The following NOL4 variants were observed in gnomAD, a reference collection of about 807,000 sequenced individuals.
NOL4 encodes nucleolar protein 4.
A neutral mutation model predicts 75.9 loss-of-function variants in NOL4; 17 were observed. That is an observed-to-expected ratio of 0.22 (90% CI 0.15 to 0.34). The LOEUF (loss-of-function observed/expected upper bound fraction) is 0.34, where lower values mean the gene tolerates loss of function less well. Among genes scored for constraint, NOL4 ranks in the 10% least tolerant of loss-of-function variants. The probability of loss-of-function intolerance (pLI) is 1.00; values close to 1 mark genes in which losing one functional copy is unlikely to be tolerated. For synonymous variants in NOL4, 292 were observed against 289.9 expected, an observed-to-expected ratio of 1.01 and a Z score of -0.07; for missense variants, 614 against 793.5, an observed-to-expected ratio of 0.77 and a Z score of 2.72.
At chr18:34,070,482 T>C (rs2077466710) in intron 5 of NOL4, among the ~76,000 whole-genome samples, 1 of 152,162 alleles carries the variant, frequency 6.6e-6, no homozygotes, top group South Asian at 2.1e-4. Context: ...TTCCACATAA[T>C]ATAGAGAGGA....
chr18:34,069,068 A>G (rs2077402297), intron 5 of NOL4, among the ~76,000 whole-genome samples: 2 of 152,202 alleles, frequency 1.3e-5, no homozygotes, highest in African/African-American at 4.8e-5. Context: ...AGACCCATGT[A>G]TAACTCAGTT....
chr18:34,110,601 A>C (rs1432669796), intron 2 of NOL4, among the ~76,000 whole-genome samples: 1 of 152,252 alleles, frequency 6.6e-6, no homozygotes, highest in East Asian at 1.9e-4. Context: ...GAAAATGAAA[A>C]CTTTTCTTCT....
rs2074915961 is a variant in NOL4, at chr18:34,019,536, C to T, written c.838G>A (p.Gly280Arg). 1 of 1,613,858 alleles carries T rather than the reference C, an allele frequency of 6.2e-7. No individual in the cohort carries two copies. The highest frequency in any genetic ancestry group is 1.3e-5 in the African/African-American group (1 of 74,862). Residue 280 changes from glycine to arginine, a missense_variant, in exon 6 of 11, where the codon GGA becomes AGA. Gly to Arg is a moderately radical substitution (Grantham distance 125). This residue lies in a region of NOL4 where 196 missense variants were observed against 167.9 expected (regional missense o/e 1.17). Transcript: ENST00000261592. ...TCTCCCATCTCCCTGCTGTGTGTTC[C>T]CCCTGAAGCAATTGAACTGTGCCCC... ...TLGHSSIASG[G>R]THSREMGDSN...
chr18:33,930,562 A>G (rs1327892293), intron 9 of NOL4, among the ~76,000 whole-genome samples: 1 of 152,194 alleles, frequency 6.6e-6, no homozygotes, highest in Non-Finnish European at 1.5e-5. Context: ...ATGTGAGTAG[A>G]TAGATGGTTG....
intron 6 of NOL4, among the ~76,000 whole-genome samples, chr18:33,963,130 C>A (rs1401129442): frequency 6.6e-6 from 1 of 152,186 alleles, no homozygotes; most frequent in Non-Finnish European, 1.5e-5. Context: ...CTACTTCAAT[C>A]TTTCCCTAAA....
intron 8 of NOL4, among the ~76,000 whole-genome samples, chr18:33,945,165 A>C (rs1445656373): frequency 6.6e-6 from 1 of 152,052 alleles, no homozygotes; most frequent in African/African-American, 2.4e-5. Flanking sequence ...GAGAATCTAA[A>C]TAAAATATCA....
chr18:34,169,928 T>C (rs979344322), intron 1 of NOL4, among the ~76,000 whole-genome samples: 1 of 152,168 alleles, frequency 6.6e-6, no homozygotes, highest in Admixed American at 6.5e-5. Context: ...TTTTCTATTT[T>C]TAATCAATTC....
intron 10 of NOL4, among the ~76,000 whole-genome samples, chr18:33,881,452 A>C (rs1422882360): frequency 6.6e-6 from 1 of 151,634 alleles, no homozygotes; most frequent in Admixed American, 6.6e-5. Flanking sequence ...CCAGTTTTCA[A>C]AGGGAATGCT....
chr18:33,907,617 G>A (rs779986287), intron 9 of NOL4, among the ~76,000 whole-genome samples: 23 of 152,162 alleles, frequency 1.5e-4, no homozygotes, highest in South Asian at 2.1e-4. Flanking sequence ...GGAGTTAACC[G>A]TTAGCTACTA....
intron 10 of NOL4, among the ~76,000 whole-genome samples, chr18:33,870,215 C>T (rs1434623897): frequency 6.6e-6 from 1 of 151,880 alleles, no homozygotes; most frequent in Non-Finnish European, 1.5e-5. Context: ...TCAAGAAGGG[C>T]ATTATATGAA....
At chr18:34,056,885 CA>C in intron 5 of NOL4, among the ~76,000 whole-genome samples, 1 of 152,266 alleles carries the variant, frequency 6.6e-6, no homozygotes, top group Admixed American at 6.5e-5. Flanking sequence ...CTTGGTTTGC[CA>C]TCTTGCCAAC....
chr18:33,944,114 T>A (rs1422569293), intron 8 of NOL4, among the ~76,000 whole-genome samples: 1 of 151,844 alleles, frequency 6.6e-6, no homozygotes, highest in Non-Finnish European at 1.5e-5. Context: ...TAATGTGAAA[T>A]TATGAAATAA....
intron 9 of NOL4, among the ~76,000 whole-genome samples, chr18:33,915,222 G>T (rs1311427847): frequency 1.3e-5 from 2 of 152,106 alleles, no homozygotes; most frequent in African/African-American, 4.8e-5. Context: ...GAAGTCATCA[G>T]TGGACTTTTA....
At chr18:34,158,668 G>A (rs983878815) in intron 1 of NOL4, 1 of 152,162 alleles carries the variant, frequency 6.6e-6, no homozygotes, top group African/African-American at 2.4e-5. Context: ...AGCAGCAAGA[G>A]AACATTCCTA....
chr18:34,150,563 T>TA (rs1319533476), intron 1 of NOL4, among the ~76,000 whole-genome samples: 2 of 151,706 alleles, frequency 1.3e-5, no homozygotes, highest in Non-Finnish European at 3.0e-5. Context: ...ACACAGAACT[T>TA]ACATTGTTCA....
At chr18:33,917,461 A>G (rs757033653) in intron 9 of NOL4, among the ~76,000 whole-genome samples, 4 of 152,086 alleles carry the variant, frequency 2.6e-5, no homozygotes, top group Non-Finnish European at 4.4e-5. Context: ...AAAATCCAAC[A>G]TGATCGTCTT....
chr18:33,982,742 AT>A (rs953221382), intron 6 of NOL4, among the ~76,000 whole-genome samples: 442 of 104,902 alleles, frequency 4.2e-3, no homozygotes, highest in African/African-American at 8.5e-3. Context: ...AGACAATGGG[AT>A]TTTTTTTTTT....
chr18:34,061,619 G>A (rs2145133741), intron 5 of NOL4, among the ~76,000 whole-genome samples: 1 of 152,246 alleles, frequency 6.6e-6, no homozygotes, highest in South Asian at 2.1e-4. Context: ...GTTGGCTCAG[G>A]AAGGACGACC....
intron 8 of NOL4, among the ~76,000 whole-genome samples, chr18:33,953,756 A>G (rs1431003163): frequency 1.3e-5 from 2 of 152,172 alleles, no homozygotes; most frequent in Non-Finnish European, 2.9e-5. Context: ...TCCGACTGAC[A>G]TTTGGAATTA....
Sources: gnomAD v4.1 joint callset for allele counts (sites outside exome capture counted in the v4.1 genomes callset) on GRCh38, gnomAD v4.1.1 for gene constraint, gnomAD v4.1.1 regional missense constraint, MANE v1.5 for transcripts, NCBI Gene and HGNC (gene_info 2026-07-23, HGNC 2026-07-21) for gene names.